Variants in DDX23 observed in about 807,000 individuals in gnomAD.
The protein encoded by DDX23 is probable ATP-dependent RNA helicase DDX23.
Under a neutral mutation model 102.7 loss-of-function variants are expected in DDX23, and 33 were observed. That is an observed-to-expected ratio of 0.32 (90% CI 0.24 to 0.43). DDX23 has a LOEUF of 0.43. Among genes scored for constraint, DDX23 ranks in the 20% least tolerant of loss-of-function variants. The probability of loss-of-function intolerance (pLI) is 1.00; values close to 1 mark genes in which losing one functional copy is unlikely to be tolerated. For synonymous variants in DDX23, 352 were observed against 376.0 expected (o/e 0.94, Z 0.74); for missense variants, 549 against 1,086.6 (o/e 0.51, Z 6.96).
chr12:48,832,249 C>T lies in DDX23; in HGVS notation c.1956-63G>A. 1 of 1,586,700 alleles carries T rather than the reference C, an allele frequency of 6.3e-7. No individual in the cohort carries two copies. The highest frequency in any genetic ancestry group is 1.1e-5 in the South Asian group (1 of 90,178). ...TCCCACTCCAAGTGAAATGCCCAACCCTCATCTATGAACACTACTTTCAGG... is the reference window on the plus strand; with the variant it reads ...TCCCACTCCAAGTGAAATGCCCAACTCTCATCTATGAACACTACTTTCAGG... On this transcript the variant is annotated intron_variant, in intron 14 of 16. Transcript: ENST00000308025. The surrounding 1 kb of genome is among the most constrained non-coding windows in gnomAD (Gnocchi z 4.4).
chr12:48,848,728 G>A (rs534401902), intron 1 of DDX23, among the ~76,000 whole-genome samples: 1 of 151,278 alleles, frequency 6.6e-6, no homozygotes, highest in African/African-American at 2.4e-5. Context: ...GGGACTATAG[G>A]CGCATGCCAC....
intron 5 of DDX23, among the ~76,000 whole-genome samples, chr12:48,838,573 C>A (rs982031909): frequency 6.6e-6 from 1 of 151,278 alleles, no homozygotes; most frequent in Non-Finnish European, 1.5e-5. Flanking sequence ...AAAATGTGGC[C>A]GAGTGCGGTG....
chr12:48,840,000 T>C lies in DDX23; in HGVS notation c.414+13A>G. On this transcript the variant is annotated intron_variant, in intron 4 of 16. Transcript: ENST00000308025. ...ACGAGTTGAAGATGAAAAATATCCT[T>C]CCTCTCCTTTACCTTAGGCTTCTTA... 6.2e-7 allele frequency: 1 copy of C among 1,613,176 alleles called. No individual in the cohort carries two copies. The highest frequency in any genetic ancestry group is 1.1e-5 in the South Asian group (1 of 91,058).
At chr12:48,840,176 C>T in intron 3 of DDX23, 70 bp from the exon 4 acceptor site, 1 of 1,248,384 alleles carries the variant, frequency 8.0e-7, no homozygotes, top group Non-Finnish European at 1.2e-6. Context: ...AGTTGAGCCC[C>T]GAAAAGAGAA....
chr12:48,835,845 C>T (rs986597610), intron 11 of DDX23, among the ~76,000 whole-genome samples: 6 of 151,986 alleles, frequency 3.9e-5, no homozygotes, highest in Non-Finnish European at 5.9e-5. Context: ...GAGCTGAGAT[C>T]GTGCCACTGC....
intron 3 of DDX23, among the ~76,000 whole-genome samples, chr12:48,842,034 G>C (rs528491142): frequency 6.7e-6 from 1 of 149,034 alleles, no homozygotes; most frequent in Admixed American, 6.7e-5. Context: ...CCTGACAACC[G>C]CCCCGTCTGA....
rs761933007 is a variant in DDX23, at chr12:48,830,167, A to G, written c.*302T>C. 5 of 543,190 alleles carry G rather than the reference A, an allele frequency of 9.2e-6. No homozygotes were observed. Among genetic ancestry groups the G allele is most frequent in the South Asian group, 6.1e-5 (4 of 65,200 alleles). The allele number at this position is 543,190 out of a possible 1,614,324, so 33.6% of individuals were successfully genotyped here. On this transcript the variant is annotated 3_prime_UTR_variant, in exon 17 of 17. Coordinates refer to ENST00000308025, the MANE Select transcript of DDX23 (RefSeq NM_004818.3). The surrounding 1 kb of genome is among the most constrained non-coding windows in gnomAD (Gnocchi z 4.9). ...CTGTTCAGTCTGGGGAGCAATGCCA[A>G]CTGGCTGCCCCCATAGCCTGGCATG...
chr12:48,831,980 G>T, intron 15 of DDX23, 98 bp downstream of exon 15: 1 of 1,148,094 alleles, frequency 8.7e-7, no homozygotes, highest in Non-Finnish European at 1.3e-6. Context: ...ACAGGCTAAA[G>T]AAAGGGTGAG....
At chr12:48,841,449 C>A (rs1182422705) in intron 3 of DDX23, among the ~76,000 whole-genome samples, 1 of 152,100 alleles carries the variant, frequency 6.6e-6, no homozygotes, top group South Asian at 2.1e-4. Context: ...CTCCCTCTCC[C>A]CTCTCCCCTC....
rs1938492262 is a variant in DDX23 at position 48,838,139 on chromosome 12, C to T, written c.481-59G>A. The T allele has an allele frequency of 1.1e-5, 17 of 1,602,460 alleles. No individual in the cohort carries two copies. In the South Asian group the frequency reaches 1.9e-4, roughly 18 times the overall value. Reference sequence around the variant, plus strand: ...CTGGGAGCAGGGTACAATCACATCACTGATGGGGAGATGGCAGGGAACCCA... The same window carrying T: ...CTGGGAGCAGGGTACAATCACATCATTGATGGGGAGATGGCAGGGAACCCA... On this transcript the variant is annotated intron_variant, in intron 5 of 16. Coordinates refer to ENST00000308025, the MANE Select transcript of DDX23 (RefSeq NM_004818.3).
chr12:48,841,478 C>T (rs1470081450), intron 3 of DDX23, among the ~76,000 whole-genome samples: 2 of 152,202 alleles, frequency 1.3e-5, no homozygotes, highest in Non-Finnish European at 2.9e-5. Flanking sequence ...GTCTCCCTCT[C>T]CCTCTCTTTC....
intron 5 of DDX23, 200 bp downstream of exon 5, chr12:48,839,644 C>G (rs1938517478): frequency 1.7e-6 from 1 of 572,344 alleles, no homozygotes; most frequent in Non-Finnish European, 3.1e-6. Flanking sequence ...GAGGGAGGAC[C>G]ATGTGAAGAG....
chr12:48,830,947 T>C lies in DDX23; in HGVS notation c.2239+195A>G, dbSNP rs963058828. 6.6e-6 allele frequency among the ~76,000 whole-genome samples: 1 copy of C among 152,116 alleles called. No individual in the cohort carries two copies. The highest frequency in any genetic ancestry group is 2.4e-5 in the African/African-American group (1 of 41,436). On this transcript the variant is annotated intron_variant, in intron 16 of 16. Transcript: ENST00000308025. The surrounding 1 kb of genome is among the most constrained non-coding windows in gnomAD (Gnocchi z 4.9). ...TTCTTCACACTCCTGAGGACACAAG[T>C]GTCATCCCAGCTGCTGGGACAACAA...
chr12:48,844,478 C>T (rs1266000207), intron 2 of DDX23, among the ~76,000 whole-genome samples: 1 of 151,972 alleles, frequency 6.6e-6, no homozygotes, highest in Non-Finnish European at 1.5e-5. Flanking sequence ...GGGGTTTTGC[C>T]ATGTTGGCCA....
chr12:48,837,843 C>T (rs1329421741), intron 6 of DDX23, 99 bp downstream of exon 6: 6 of 1,569,336 alleles, frequency 3.8e-6, no homozygotes, highest in Non-Finnish European at 5.2e-6. Context: ...CCTTTCCAAA[C>T]TCCAGAGTGA....
chr12:48,831,292 C>T lies in DDX23; in HGVS notation c.2089G>A (p.Gly697Arg). Residue 697 changes from glycine (G) to arginine (R), a missense_variant, in exon 16 of 17, where the codon GGA (glycine) becomes AGA (arginine). By Grantham distance (125) the Gly-to-Arg change is moderately radical. Coordinates refer to ENST00000308025, the MANE Select transcript of DDX23 (RefSeq NM_004818.3). ...MGYNACTLHG[G>R]KGQEQREFAL... ...AACTCTCGCTGCTCCTGGCCTTTTCCACCGTGCAGTGTGCAAGCATTGTAC... is the reference window on the plus strand; with the variant it reads ...AACTCTCGCTGCTCCTGGCCTTTTCTACCGTGCAGTGTGCAAGCATTGTAC... 1 of 1,614,208 alleles carries T rather than the reference C, an allele frequency of 6.2e-7. No homozygotes were observed. Among genetic ancestry groups the T allele is most frequent in the Non-Finnish European group, 8.5e-7 (1 of 1,180,040 alleles).
At chr12:48,835,205 G>C in intron 11 of DDX23, 1 of 235,554 alleles carries the variant, frequency 4.2e-6, no homozygotes, top group Non-Finnish European at 9.1e-6. Flanking sequence ...TCACACCACT[G>C]CACTCCAGCC....
intron 6 of DDX23, 73 bp from the exon 7 acceptor site, chr12:48,837,730 G>A: frequency 6.3e-7 from 1 of 1,586,418 alleles, no homozygotes; most frequent in Non-Finnish European, 8.6e-7. Flanking sequence ...AGGGAATCCA[G>A]ACGAGGAACC....
In DDX23 at chr12:48,830,653, T is replaced by C; in HGVS notation, c.2279A>G (p.Lys760Arg). 1.9e-6 allele frequency: 3 copies of C among 1,613,886 alleles called. No homozygotes were observed. Among genetic ancestry groups the C allele is most frequent in the Middle Eastern group, 1.7e-4 (1 of 6,060 alleles). The stretch of plus-strand genomic sequence containing the variant: ...GAGGAAGGTGATGGCCACCCCACTC[T>C]TGCCTGCTCGTCCCGTGCGGCCAAT... ...HRIGRTGRAGKSGVAITFLTK... is the reference protein window; with the variant it reads ...HRIGRTGRAGRSGVAITFLTK... Residue 760 changes from lysine (K) to arginine (R), a missense_variant, in exon 17 of 17, where the codon AAG becomes AGG. This residue lies in a region of DDX23 where 38 missense variants were observed against 94.5 expected (regional missense o/e 0.40). Transcript: ENST00000308025. The surrounding 1 kb of genome is among the most constrained non-coding windows in gnomAD (Gnocchi z 4.9).
Sources: gnomAD v4.1 joint callset for allele counts (sites outside exome capture counted in the v4.1 genomes callset) on GRCh38, gnomAD v4.1.1 for gene constraint, gnomAD v4.1.1 regional missense constraint, Gnocchi (gnomAD v3.1) non-coding constraint, MANE v1.5 for transcripts, NCBI Gene and HGNC (gene_info 2026-07-23, HGNC 2026-07-21) for gene names.